SYCE1L: variants seen among roughly 807,000 people sequenced by gnomAD.
The protein encoded by SYCE1L is synaptonemal complex central element protein 1 like.
In SYCE1L, 51 loss-of-function variants were observed where a neutral mutation model predicts 39.6. The ratio of observed to expected loss-of-function variants is 1.29; its 90% CI spans 1.03 to 1.63. The LOEUF (loss-of-function observed/expected upper bound fraction) is 1.63. Ranked by LOEUF, SYCE1L falls within the 40% of genes most tolerant of loss-of-function variation. The pLI is 0.00. For missense variants in SYCE1L, 426 were observed against 304.9 expected, an observed-to-expected ratio of 1.40 and a Z score of -2.96; for synonymous variants, 147 against 122.4, an observed-to-expected ratio of 1.20 and a Z score of -1.33.
chr16:77,206,883 A>G (rs1457614567), intron 2 of SYCE1L, among the ~76,000 whole-genome samples: 1 of 152,066 alleles, frequency 6.6e-6, no homozygotes, highest in Non-Finnish European at 1.5e-5. Flanking sequence ...TTGGTTTTGC[A>G]CCTTGCTTTG....
intron 7 of SYCE1L, 136 bp from the exon 8 acceptor site, chr16:77,211,994 C>A: frequency 5.8e-6 from 6 of 1,026,330 alleles, no homozygotes; most frequent in Non-Finnish European, 8.4e-6. Flanking sequence ...AGGAACTGCA[C>A]ATTGAGTTAA....
chr16:77,212,286 G>A lies in SYCE1L; in HGVS notation c.498G>A (p.Arg166=), dbSNP rs2054829075. Residue 166 remains arginine (R), a synonymous_variant, in exon 9 of 11, where the codon AGG becomes AGA. Coordinates refer to ENST00000378644, the MANE Select transcript of SYCE1L (RefSeq NM_001129979.3). ...CTGACGCCCGCCCACCGACAGGGAG[G>A]CTGGTGCGCGCCAAGCTGCGGGAGG... ...RSKEQLLSER[R]LVRAKLREVE... 2 of 1,521,952 alleles carry A rather than the reference G, an allele frequency of 1.3e-6. No individual in the cohort carries two copies. The highest frequency in any genetic ancestry group is 1.8e-6 in the Non-Finnish European group (2 of 1,135,704). 94.3% of individuals were successfully genotyped at this position (1,521,952 alleles called of 1,614,324 possible). A position where few individuals can be genotyped will look rare whatever the true frequency, so the allele number is the denominator to read the frequency against.
In SYCE1L at chr16:77,208,521, C is replaced by T. The variant is rs1376713181; in HGVS notation, c.238C>T (p.His80Tyr). The T allele has an allele frequency of 1.9e-6, 3 of 1,551,728 alleles. No homozygotes were observed. Among genetic ancestry groups the T allele is most frequent in the South Asian group, 2.4e-5 (2 of 84,064 alleles). The change falls in exon 4 of 11, where the codon CAT (histidine) becomes TAT (tyrosine). Residue 80 changes from histidine to tyrosine, a missense_variant. Coordinates refer to ENST00000378644, the MANE Select transcript of SYCE1L (RefSeq NM_001129979.3). ...RETHSLWEAL[H>Y]RELDSLNGEK... is the part of the protein sequence containing the mutation. The stretch of plus-strand genomic sequence containing the variant: ...GACCCACAGTCTCTGGGAGGCCCTG[C>T]ATAGGGAATTAGACTCCTGTAAGTG...
At chr16:77,212,756 G>A in intron 10 of SYCE1L, 101 bp from the exon 11 acceptor site, 1 of 1,421,416 alleles carries the variant, frequency 7.0e-7, no homozygotes, top group Non-Finnish European at 9.2e-7. Context: ...GAGCAGGGCG[G>A]CCCCGGGGAC....
chr16:77,210,587 A>C (rs1265629765), intron 6 of SYCE1L, among the ~76,000 whole-genome samples: 1 of 152,110 alleles, frequency 6.6e-6, no homozygotes, highest in Admixed American at 6.5e-5. Context: ...ACTGAGACCC[A>C]GAGAGGTTAA....
Position 77,212,851 on chromosome 16 carries a change from C to A in SYCE1L, c.655-6C>A. On this transcript the variant is annotated splice_region_variant and splice_polypyrimidine_tract_variant and intron_variant, in intron 10 of 10. Coordinates refer to ENST00000378644, the MANE Select transcript of SYCE1L (RefSeq NM_001129979.3). ...CTGGTCCGCAGCCTCACCCAGCCCC[C>A]GGCAGGCCGGACCTGAGCTCCCCCG... 1 of 1,491,230 alleles carries A rather than the reference C, an allele frequency of 6.7e-7. No individual in the cohort carries two copies. The allele number at this position is 1,491,230 out of a possible 1,614,324, so 92.4% of individuals were successfully genotyped here. A position where few individuals can be genotyped will look rare whatever the true frequency, so the allele number is the denominator to read the frequency against.
At chr16:77,212,395 G>T (rs1363878251) in intron 9 of SYCE1L, 26 bp downstream of exon 9, 1 of 1,526,336 alleles carries the variant, frequency 6.6e-7, no homozygotes, top group Non-Finnish European at 8.8e-7. Flanking sequence ...AGGAGTGGGC[G>T]AGGAGGGCAG....
At chr16:77,209,842 C>T (rs180746730) in intron 6 of SYCE1L, among the ~76,000 whole-genome samples, 17 of 152,264 alleles carry the variant, frequency 1.1e-4, no homozygotes, top group Admixed American at 9.8e-4. Flanking sequence ...AGCCATTCAC[C>T]TACTCACTCA....
At chr16:77,209,243 C>T in intron 5 of SYCE1L, 99 bp downstream of exon 5, 1 of 1,422,634 alleles carries the variant, frequency 7.0e-7, no homozygotes, top group South Asian at 1.2e-5. Context: ...AAACCTAAGG[C>T]AGGGTGCTTC....
At position 77,212,903 on chromosome 16, in the gene SYCE1L, C is replaced by A. The variant is rs2054836352; in HGVS notation, c.701C>A (p.Pro234Gln). The A allele has an allele frequency of 2.0e-6, 3 of 1,529,044 alleles. No individual in the cohort carries two copies. Among genetic ancestry groups the A allele is most frequent in the Non-Finnish European group, 1.8e-6 (2 of 1,140,068 alleles). 94.7% of individuals were successfully genotyped at this position (1,529,044 alleles called of 1,614,324 possible). Residue 234 changes from proline (P) to glutamine (Q), a missense_variant, in exon 11 of 11, where the codon CCG becomes CAG. Coordinates refer to ENST00000378644, the MANE Select transcript of SYCE1L (RefSeq NM_001129979.3). Reference protein sequence around the residue: ...PRARDEEDPEPPVAAPDAL With the variant: ...PRARDEEDPEQPVAAPDAL The stretch of plus-strand genomic sequence containing the variant: ...GCTCGCGACGAGGAGGATCCCGAGC[C>A]GCCGGTGGCTGCCCCTGACGCCCTC...
Position 77,199,470 on chromosome 16 carries a change from CCT to C in SYCE1L, c.22_23del (p.Leu8GlufsTer9), listed in dbSNP as rs756075235. 238 of 1,551,274 alleles carry C rather than the reference CCT, an allele frequency of 1.5e-4. No individual in the cohort carries two copies. Among genetic ancestry groups the C allele is most frequent in the Admixed American group, 2.7e-4 (14 of 50,994 alleles). On this transcript the variant is annotated frameshift_variant, in exon 1 of 11. Coordinates refer to ENST00000378644, the MANE Select transcript of SYCE1L (RefSeq NM_001129979.3). LOFTEE classifies it high-confidence loss of function. ...TTGGAAAATGGCGGGGAAGCTGAAACCTCTGAATGTGGAGGCGCCAGAAGCTA... is the reference window on the plus strand; with the variant it reads ...TTGGAAAATGGCGGGGAAGCTGAAACCTGAATGTGGAGGCGCCAGAAGCTA... MAGKLKPLNVEAPEATE... is the reference protein window; with the variant it reads MAGKLKXLNVEAPEATE...
intron 4 of SYCE1L, among the ~76,000 whole-genome samples, chr16:77,208,817 CTG>C (rs2054803795): frequency 6.6e-6 from 1 of 152,210 alleles, no homozygotes. Flanking sequence ...CCACCTGACA[CTG>C]TGTGTGTATT....
chr16:77,212,544 C>G, intron 9 of SYCE1L, 30 bp from the exon 10 acceptor site: 1 of 1,537,038 alleles, frequency 6.5e-7, no homozygotes, highest in Non-Finnish European at 8.7e-7. Flanking sequence ...TCGCTCTCTT[C>G]CTCCTGTCTC....
intron 1 of SYCE1L, chr16:77,201,117 C>A (rs1335298218): frequency 6.6e-6 from 1 of 152,156 alleles, no homozygotes; most frequent in Non-Finnish European, 1.5e-5. Flanking sequence ...TCCCCTGCAC[C>A]TAAAACAATG....
At chr16:77,200,278 A>ATATATATATATATATATATATATATGTG (rs2054722493) in intron 1 of SYCE1L, 1 of 107,870 alleles carries the variant, frequency 9.3e-6, no homozygotes, top group African/African-American at 3.1e-5. Context: ...ATATGTGTAT[A>ATATATATATATATATATATATATATGTG]TATATATATA....
Position 77,212,194 on chromosome 16 carries a change from C to G in SYCE1L, c.488C>G (p.Ser163Trp). 2.6e-6 allele frequency: 4 copies of G among 1,547,716 alleles called. No individual in the cohort carries two copies. The highest frequency in any genetic ancestry group is 3.5e-6 in the Non-Finnish European group (4 of 1,145,914). ...GAGAGAAGCAAGGAGCAGCTGCTCT[C>G]GGAGAGTGAGCCTCCCGCGCCAGGT... The part of the protein sequence containing the change: ...ALERSKEQLL[S>W]ERRLVRAKLR... The change falls in exon 8 of 11, where the codon TCG becomes TGG. Residue 163 changes from serine (S) to tryptophan (W), a missense_variant. Transcript: ENST00000378644.
rs1237408100 is a variant in SYCE1L, at chr16:77,211,268, G to T, written c.415G>T (p.Glu139Ter). The part of the protein sequence containing the change: ...DLMGQHKDLW[E>*]FHMLEQRLAR... ...GATGGGCCAGCACAAGGACCTCTGGGAATTCCACGTGAGCCATTATCATTG... is the reference window on the plus strand; with the variant it reads ...GATGGGCCAGCACAAGGACCTCTGGTAATTCCACGTGAGCCATTATCATTG... The change falls in exon 7 of 11, where the codon GAA (glutamate) becomes TAA (stop). Residue 139 changes from glutamate (E) to a stop codon, truncating the protein, a stop_gained. Transcript: ENST00000378644. LOFTEE classifies it high-confidence loss of function. 4.5e-6 allele frequency: 7 copies of T among 1,551,762 alleles called. No homozygotes were observed. In the South Asian group the frequency reaches 7.1e-5, roughly 16 times the overall value.
intron 9 of SYCE1L, 97 bp downstream of exon 9, chr16:77,212,466 G>A (rs2054831410): frequency 6.5e-7 from 1 of 1,540,090 alleles, no homozygotes; most frequent in Non-Finnish European, 8.8e-7. Flanking sequence ...CCGCTTCCCC[G>A]GCCTGTGCCT....
intron 1 of SYCE1L, 95 bp from the exon 2 acceptor site, chr16:77,206,346 C>T (rs879177500): frequency 1.3e-5 from 14 of 1,076,972 alleles, no homozygotes; most frequent in Admixed American, 6.2e-5. Context: ...CCCCAGCCCA[C>T]GGGTGTCTGC....
Sources: allele counts gnomAD v4.1 joint callset (sites outside exome capture counted in the v4.1 genomes callset), GRCh38; gene constraint gnomAD v4.1.1; transcripts MANE v1.5; gene names NCBI Gene and HGNC (gene_info 2026-07-23, HGNC 2026-07-21).